CACNB2: variants seen among roughly 807,000 people sequenced by gnomAD.
CACNB2 encodes voltage-dependent L-type calcium channel subunit beta-2.
CACNB2 carries 42 observed loss-of-function variants against 73.3 expected under a neutral mutation model. The observed-to-expected ratio is 0.57, with a 90% confidence interval of 0.45 to 0.74. The LOEUF (loss-of-function observed/expected upper bound fraction) is 0.74, where lower values mean the gene tolerates loss of function less well. Ranked by LOEUF, CACNB2 falls within the 30% of genes least tolerant of loss-of-function variation. The pLI, the probability that CACNB2 is intolerant of heterozygous loss-of-function variation, is 0.00. For synonymous variants in CACNB2, 348 were observed against 310.3 expected (o/e 1.12, Z -1.28); for missense variants, 940 against 853.0 (o/e 1.10, Z -1.27).
intron 3 of CACNB2, among the ~76,000 whole-genome samples, chr10:18,423,735 A>G (rs1463343695): frequency 1.3e-5 from 2 of 152,200 alleles, no homozygotes; most frequent in Non-Finnish European, 2.9e-5. Flanking sequence ...ACAAATGTCT[A>G]ATATTCCCCC....
intron 2 of CACNB2, among the ~76,000 whole-genome samples, chr10:18,333,094 T>C (rs1435390326): frequency 1.3e-5 from 2 of 152,190 alleles, no homozygotes; most frequent in African/African-American, 2.4e-5. Context: ...TGCCTCTTCA[T>C]TAATAACAGT....
chr10:18,314,169 G>A (rs1177640447), intron 2 of CACNB2, among the ~76,000 whole-genome samples: 2 of 152,084 alleles, frequency 1.3e-5, no homozygotes, highest in South Asian at 2.1e-4. Flanking sequence ...CTAAATTCCC[G>A]ATATTGTGGT....
chr10:18,338,655 CTCTT>C (rs1017720047), intron 2 of CACNB2, among the ~76,000 whole-genome samples: 5 of 106,596 alleles, frequency 4.7e-5, no homozygotes, highest in Non-Finnish European at 9.0e-5. Flanking sequence ...TTCTTTCTCT[CTCTT>C]TTTCTTTTTT....
intron 1 of CACNB2, among the ~76,000 whole-genome samples, chr10:18,142,512 G>A (rs549501475): frequency 1.3e-5 from 2 of 152,236 alleles, no homozygotes; most frequent in South Asian, 2.1e-4. Flanking sequence ...CTAGGATGAA[G>A]GTCTTGAATA....
chr10:18,151,048 CT>C, intron 2 of CACNB2, 73 bp downstream of exon 2: 2 of 951,462 alleles, frequency 2.1e-6, no homozygotes, highest in Non-Finnish European at 1.7e-6. Context: ...GGGTTTCACT[CT>C]TTTCCTTAAG....
intron 3 of CACNB2, among the ~76,000 whole-genome samples, chr10:18,495,057 C>T (rs1293983539): frequency 6.6e-6 from 1 of 152,108 alleles, no homozygotes; most frequent in Non-Finnish European, 1.5e-5. Context: ...CTTAATAACT[C>T]ATGTCTGACA....
chr10:18,437,478 A>G (rs1203979526), intron 3 of CACNB2, among the ~76,000 whole-genome samples: 1 of 152,222 alleles, frequency 6.6e-6, no homozygotes, highest in Non-Finnish European at 1.5e-5. Context: ...TGTGTGTTAT[A>G]TACTGCATAC....
chr10:18,489,045 G>C lies in CACNB2; in HGVS notation c.334-9310G>C, dbSNP rs371061945. Among the ~76,000 whole-genome samples the C allele has an allele frequency of 1.8e-4, 28 of 152,024 alleles. No homozygotes were observed. The South Asian group carries it at 5.6e-3, about 31-fold the overall frequency. On this transcript the variant is annotated intron_variant, in intron 3 of 13. Transcript: ENST00000324631. ...ATACAAAATATTGGCCGGGCACGGT[G>C]GCTCACACTTATAATCCCAGCACTT... is the stretch of plus-strand genomic sequence containing the variant.
At chr10:18,341,062 C>A in intron 2 of CACNB2, 1 of 1,387,308 alleles carries the variant, frequency 7.2e-7, no homozygotes, top group Non-Finnish European at 1.0e-6. Flanking sequence ...CGAGCTTGAG[C>A]TAAAATCATA....
At chr10:18,527,393 AAAGT>A (rs2052581667) in intron 9 of CACNB2, among the ~76,000 whole-genome samples, 191 bp from the exon 10 acceptor site, 1 of 152,206 alleles carries the variant, frequency 6.6e-6, no homozygotes, top group South Asian at 2.1e-4. Flanking sequence ...AACAAAAAAC[AAAGT>A]AAGGCAGGTG....
chr10:18,140,948 T>C, intron 1 of CACNB2, 92 bp downstream of exon 1: 1 of 1,528,694 alleles, frequency 6.5e-7, no homozygotes, highest in Non-Finnish European at 8.8e-7. Context: ...TGCAGGGATC[T>C]CTAGCCTCGC....
At chr10:18,328,436 C>T (rs2040669420) in intron 2 of CACNB2, among the ~76,000 whole-genome samples, 1 of 152,084 alleles carries the variant, frequency 6.6e-6, no homozygotes, top group South Asian at 2.1e-4. Flanking sequence ...TACTTTTGGC[C>T]TGGTTTATCC....
intron 2 of CACNB2, among the ~76,000 whole-genome samples, chr10:18,329,504 GAAA>G (rs11413915): frequency 0.12 from 13,856 of 112,568 alleles, 664 homozygotes; most frequent in South Asian, 0.24. Context: ...AGTAAAAAAA[GAAA>G]AAAAAAAAAA....
intron 2 of CACNB2, among the ~76,000 whole-genome samples, chr10:18,247,215 T>C (rs1290992244): frequency 6.6e-6 from 1 of 152,214 alleles, no homozygotes; most frequent in Non-Finnish European, 1.5e-5. Context: ...AGAATCCTGC[T>C]GTGAGGGGCT....
intron 13 of CACNB2, 25 bp from the exon 14 acceptor site, chr10:18,539,205 C>A: frequency 6.2e-7 from 1 of 1,613,912 alleles, no homozygotes; most frequent in Non-Finnish European, 8.5e-7. Flanking sequence ...TTGGTTAACG[C>A]CTGGTGTGCT....
intron 2 of CACNB2, among the ~76,000 whole-genome samples, chr10:18,401,385 T>A (rs559916958): frequency 6.6e-6 from 1 of 152,356 alleles, no homozygotes; most frequent in South Asian, 2.1e-4. Context: ...TGAAGTTAGC[T>A]GCTAGTGTCT....
intron 2 of CACNB2, among the ~76,000 whole-genome samples, chr10:18,334,103 G>T (rs2040909632): frequency 6.6e-6 from 1 of 152,192 alleles, no homozygotes; most frequent in Admixed American, 6.5e-5. Flanking sequence ...TCAGATTAGT[G>T]AGCATGCATC....
At chr10:18,420,717 C>T (rs1000861554) in intron 3 of CACNB2, among the ~76,000 whole-genome samples, 1 of 152,172 alleles carries the variant, frequency 6.6e-6, no homozygotes, top group African/African-American at 2.4e-5. Flanking sequence ...GTGGTGCAAT[C>T]AAGTTGACCA....
At chr10:18,400,641 T>C in intron 2 of CACNB2, 2 of 19,008 alleles carry the variant, frequency 1.1e-4, no homozygotes, top group Non-Finnish European at 1.3e-4. Flanking sequence ...TTTGCACTAG[T>C]TTTTTTTTTT....
Sources: allele counts gnomAD v4.1 joint callset (sites outside exome capture counted in the v4.1 genomes callset), GRCh38; gene constraint gnomAD v4.1.1; transcripts MANE v1.5; gene names NCBI Gene and HGNC (gene_info 2026-07-23, HGNC 2026-07-21).